TTC28: variants seen among roughly 807,000 people sequenced by gnomAD.
TTC28 encodes the protein tetratricopeptide repeat domain 28.
TTC28 carries 61 observed loss-of-function variants against 198.0 expected under a neutral mutation model. The ratio of observed to expected loss-of-function variants is 0.31; its 90% CI spans 0.25 to 0.38. TTC28 has a LOEUF of 0.38. Among genes scored for constraint, TTC28 ranks in the 10% least tolerant of loss-of-function variants. TTC28 has a pLI of 1.00. For missense variants in TTC28, 2,678 were observed against 3,164.0 expected (o/e 0.85, Z 3.69); for synonymous variants, 1,171 against 1,297.8 (o/e 0.90, Z 2.10).
chr22:28,417,370 G>T (rs1313481653), intron 2 of TTC28, among the ~76,000 whole-genome samples: 1 of 151,072 alleles, frequency 6.6e-6, no homozygotes, highest in African/African-American at 2.4e-5. Flanking sequence ...AGCTACTCGG[G>T]AGGCTGAAGC....
intron 12 of TTC28, among the ~76,000 whole-genome samples, chr22:28,058,038 C>CT (rs925116930): frequency 6.6e-6 from 1 of 151,908 alleles, no homozygotes; most frequent in African/African-American, 2.4e-5. Context: ...CCAACTTCAC[C>CT]TTTTTTTCCC....
chr22:28,663,141 G>A (rs897453867), intron 1 of TTC28, among the ~76,000 whole-genome samples: 4 of 151,816 alleles, frequency 2.6e-5, no homozygotes, highest in African/African-American at 9.7e-5. Flanking sequence ...CCAGCTACTC[G>A]GAAGGCTGAG....
Position 28,138,017 on chromosome 22 carries a change from G to GT in TTC28, c.1441+25074dup, listed in dbSNP as rs1405567762. Among the ~76,000 whole-genome samples, 284 of 150,830 alleles carry GT rather than the reference G, an allele frequency of 1.9e-3. 2 individuals are homozygous for GT. Among genetic ancestry groups the GT allele is most frequent in the African/African-American group, 4.1e-3 (168 of 40,924 alleles). Reference sequence around the variant, plus strand: ...GTGACAAGAGCGAAACTCCGTTGTTGTTTTTTTTTAAAAAAAAGGAATATA... The same window carrying GT: ...GTGACAAGAGCGAAACTCCGTTGTTGTTTTTTTTTTAAAAAAAAGGAATATA... On this transcript the variant is annotated intron_variant, in intron 6 of 22. Coordinates refer to ENST00000397906, the MANE Select transcript of TTC28 (RefSeq NM_001145418.2).
intron 5 of TTC28, among the ~76,000 whole-genome samples, chr22:28,233,900 A>G (rs1929019303): frequency 6.9e-6 from 1 of 144,834 alleles, no homozygotes; most frequent in Admixed American, 6.9e-5. Context: ...CACCACACCT[A>G]GCAAATTAGT....
chr22:28,672,527 C>T (rs2051906373), intron 1 of TTC28, among the ~76,000 whole-genome samples: 1 of 152,124 alleles, frequency 6.6e-6, no homozygotes, highest in Non-Finnish European at 1.5e-5. Context: ...GTCTCAATCT[C>T]CTAACCTCAT....
chr22:28,319,231 C>A (rs940666337), intron 2 of TTC28, among the ~76,000 whole-genome samples: 2 of 152,016 alleles, frequency 1.3e-5, no homozygotes, highest in African/African-American at 4.8e-5. Context: ...CTCATGTCAC[C>A]CTGTTCAGGT....
intron 12 of TTC28, among the ~76,000 whole-genome samples, chr22:28,077,611 T>C (rs935602884): frequency 1.3e-5 from 2 of 152,202 alleles, no homozygotes; most frequent in African/African-American, 4.8e-5. Context: ...GTTATCAGTG[T>C]AGAATCAATG....
In TTC28 at chr22:28,217,512, A is replaced by C. The variant is rs771064171; in HGVS notation, c.934-53913T>G. Among the ~76,000 whole-genome samples the C allele has an allele frequency of 3.3e-5, 5 of 152,346 alleles. No individual in the cohort carries two copies. The East Asian group carries it at 7.7e-4, about 23-fold the overall frequency. On this transcript the variant is annotated intron_variant, in intron 5 of 22. Transcript: ENST00000397906. ...CAGGAAATTTATTTTCCAACAGCAA[A>C]ATCAAGGCTAACAGGATAAAGGCAA...
intron 2 of TTC28, among the ~76,000 whole-genome samples, chr22:28,610,452 CT>C (rs2050801743): frequency 6.6e-6 from 1 of 152,158 alleles, no homozygotes; most frequent in African/African-American, 2.4e-5. Context: ...CAAACAGGGT[CT>C]AAAGTGGACC....
At chr22:28,420,722 C>G (rs547296799) in intron 2 of TTC28, among the ~76,000 whole-genome samples, 1 of 152,134 alleles carries the variant, frequency 6.6e-6, no homozygotes, top group South Asian at 2.1e-4. Context: ...GCCTCTGCCT[C>G]CCGAGTAGCA....
chr22:28,221,130 A>G (rs891231632), intron 5 of TTC28, among the ~76,000 whole-genome samples: 12 of 152,164 alleles, frequency 7.9e-5, no homozygotes, highest in Non-Finnish European at 1.6e-4. Context: ...CCCAGCATGC[A>G]GCTGGAATAT....
intron 2 of TTC28, among the ~76,000 whole-genome samples, chr22:28,308,525 A>T (rs1390315545): frequency 6.6e-6 from 1 of 152,170 alleles, no homozygotes; most frequent in East Asian, 1.9e-4. Context: ...GAAGCAAAAC[A>T]TTACTTACTT....
At chr22:28,137,379 T>A (rs1943223250) in intron 6 of TTC28, among the ~76,000 whole-genome samples, 1 of 151,960 alleles carries the variant, frequency 6.6e-6, no homozygotes, top group Non-Finnish European at 1.5e-5. Flanking sequence ...TTTACTGACC[T>A]CTCTCTCTCT....
rs535176724 is a variant in TTC28, at chr22:27,985,675, C to T, written c.5708-319G>A. On this transcript the variant is annotated intron_variant, in intron 21 of 22. Transcript: ENST00000397906. ...AAGGCTCACTCACATGTTTTCTTTT[C>T]CATTTTTTTTTCACAGAAGTACAGT... 1.5e-4 allele frequency: 33 copies of T among 227,286 alleles called. 1 individual carries two copies. In the South Asian group the frequency reaches 2.7e-3, roughly 19 times the overall value. The allele number at this position is 227,286 out of a possible 1,614,324, so 14.1% of individuals were successfully genotyped here. A position where few individuals can be genotyped will look rare whatever the true frequency, so the allele number is the denominator to read the frequency against.
rs1179569891 is a variant in TTC28 at position 28,037,296 on chromosome 22, A to G, written c.3933-6930T>C. On this transcript the variant is annotated intron_variant, in intron 12 of 22. Transcript: ENST00000397906. ...AAATACTGGCAAACCGAATCCAGCA[A>G]CACATCAAAAAGCTTATCCAACATG... 1.1e-4 allele frequency among the ~76,000 whole-genome samples: 17 copies of G among 152,266 alleles called. No individual in the cohort carries two copies. In the East Asian group the frequency reaches 3.1e-3, roughly 28 times the overall value.
intron 1 of TTC28, among the ~76,000 whole-genome samples, chr22:28,653,723 A>G (rs2051599729): frequency 6.6e-6 from 1 of 152,154 alleles, no homozygotes; most frequent in East Asian, 1.9e-4. Flanking sequence ...CATACTAGGT[A>G]TATAAGCCTT....
intron 12 of TTC28, among the ~76,000 whole-genome samples, chr22:28,083,401 C>T (rs1941437909): frequency 1.3e-5 from 2 of 152,298 alleles, no homozygotes; most frequent in South Asian, 4.2e-4. Context: ...CAGTGACAGG[C>T]TCTGACACTG....
intron 1 of TTC28, among the ~76,000 whole-genome samples, chr22:28,630,314 T>A (rs1283291029): frequency 1.3e-5 from 2 of 152,114 alleles, no homozygotes; most frequent in Non-Finnish European, 2.9e-5. Flanking sequence ...TCAGATGAGG[T>A]CTCACTCTGT....
At chr22:28,609,830 T>C (rs1447391843) in intron 2 of TTC28, among the ~76,000 whole-genome samples, 1 of 152,166 alleles carries the variant, frequency 6.6e-6, no homozygotes, top group Non-Finnish European at 1.5e-5. Flanking sequence ...CAAGTTAAAA[T>C]CTACTGACTT....
Sources: gnomAD v4.1 joint callset for allele counts (sites outside exome capture counted in the v4.1 genomes callset) on GRCh38, gnomAD v4.1.1 for gene constraint, MANE v1.5 for transcripts, NCBI Gene and HGNC (gene_info 2026-07-23, HGNC 2026-07-21) for gene names.